The following SLC6A12 variants were observed in gnomAD, a reference collection of about 807,000 sequenced individuals.
The protein encoded by SLC6A12 is solute carrier family 6 member 12.
Under a neutral mutation model 73.3 loss-of-function variants are expected in SLC6A12, and 50 were observed. That is an observed-to-expected ratio of 0.68 (90% CI 0.54 to 0.86). The LOEUF (loss-of-function observed/expected upper bound fraction) is 0.86, where lower values mean the gene tolerates loss of function less well. Among genes scored for constraint, SLC6A12 ranks in the 40% least tolerant of loss-of-function variants. The pLI, the probability that SLC6A12 is intolerant of heterozygous loss-of-function variation, is 0.00. For missense variants in SLC6A12, 648 were observed against 772.8 expected (o/e 0.84, Z 1.92); for synonymous variants, 304 against 309.2 (o/e 0.98, Z 0.18).
At chr12:197,848 A>AC in intron 9 of SLC6A12, 52 bp downstream of exon 9, 5 of 1,293,580 alleles carry the variant, frequency 3.9e-6, no homozygotes, top group Admixed American at 1.7e-5. Context: ...CCCAGAACCC[A>AC]TCCCCAGGCC....
intron 11 of SLC6A12, 98 bp downstream of exon 11, chr12:196,672 G>A (rs1939883011): frequency 1.2e-6 from 1 of 857,770 alleles, no homozygotes; most frequent in African/African-American, 1.6e-5. Flanking sequence ...TCAGGTGTGT[G>A]GTCAGGGGAG....
Position 196,392 on chromosome 12 carries a change from T to C in SLC6A12, c.1189-131A>G, listed in dbSNP as rs1035958358. 11 of 1,180,182 alleles carry C rather than the reference T, an allele frequency of 9.3e-6. No homozygotes were observed. In the South Asian group the frequency reaches 1.7e-4, roughly 18 times the overall value. 73.1% of individuals were successfully genotyped at this position (1,180,182 alleles called of 1,614,324 possible). On this transcript the variant is annotated intron_variant, in intron 11 of 15. Transcript: ENST00000684302. ...CAGGGAGCAGCACAAAGGGAAGAAA[T>C]GGGGGTGCCCTGGGGTGAGCCAACC...
At position 197,510 on chromosome 12, in the gene SLC6A12, G is replaced by A; in HGVS notation, c.951-9C>T. ...AGAGGGCGATGCAGTCCCTGTGGGA[G>A]TGGGGCAAGGGCAGACAGGAACGGG... On this transcript the variant is annotated splice_polypyrimidine_tract_variant and intron_variant, in intron 9 of 15. Transcript: ENST00000684302. The A allele has an allele frequency of 6.2e-7, 1 of 1,611,662 alleles. No individual in the cohort carries two copies. The highest frequency in any genetic ancestry group is 8.5e-7 in the Non-Finnish European group (1 of 1,178,870).
At position 198,950 on chromosome 12, in the gene SLC6A12, G is replaced by A. The variant is rs762576562; in HGVS notation, c.712-19C>T. ...AAACCACCTGGAGGTGGGGGGACAG[G>A]CCAAGGTCACTCCTGGTGGGGACGC... is the stretch of plus-strand genomic sequence containing the variant. On this transcript the variant is annotated intron_variant, in intron 7 of 15. Transcript: ENST00000684302. The surrounding 1 kb of genome is among the most constrained non-coding windows in gnomAD (Gnocchi z 4.0). 1.9e-6 allele frequency: 3 copies of A among 1,613,534 alleles called. No individual in the cohort carries two copies. The highest frequency in any genetic ancestry group is 2.5e-6 in the Non-Finnish European group (3 of 1,179,626).
chr12:204,337 T>G (rs1255277147), intron 4 of SLC6A12: 1 of 532,470 alleles, frequency 1.9e-6, no homozygotes, highest in Non-Finnish European at 3.4e-6. Context: ...CAAACTGGCC[T>G]CCCCCACCTC....
In SLC6A12 at chr12:209,806, T is replaced by G; in HGVS notation, c.181A>C (p.Arg61=). Residue 61 remains arginine (R), a synonymous_variant, in exon 3 of 16, where the codon AGG becomes CGG. Coordinates refer to ENST00000684302, the MANE Select transcript of SLC6A12 (RefSeq NM_001122848.3). ...GEIIGLGNVW[R]FPYLCYKNGG... The stretch of plus-strand genomic sequence containing the variant: ...TTTTTGTAGCAGAGATAGGGAAACC[T>G]CCAGACATTGCCCAGCCCAATGATC... The G allele has an allele frequency of 6.2e-7, 1 of 1,614,182 alleles. No individual in the cohort carries two copies. The highest frequency in any genetic ancestry group is 8.5e-7 in the Non-Finnish European group (1 of 1,180,026).
intron 15 of SLC6A12, 126 bp downstream of exon 15, chr12:192,351 GA>G: frequency 1.3e-6 from 1 of 779,418 alleles, no homozygotes; most frequent in Non-Finnish European, 2.1e-6. Context: ...AAGATTCTGT[GA>G]GACTGAAGGG....
rs10582500 is a variant in SLC6A12 at position 203,059 on chromosome 12, C to CTTT, written c.350-182_350-180dup. On this transcript the variant is annotated intron_variant, in intron 4 of 15. Coordinates refer to ENST00000684302, the MANE Select transcript of SLC6A12 (RefSeq NM_001122848.3). The stretch of plus-strand genomic sequence containing the variant: ...CATATTTTTCTTTCTTTTTTCTTTT[C>CTTT]TTTTTTTTTTTTTTTTTTTTTTTTT... 2.0e-3 allele frequency among the ~76,000 whole-genome samples: 134 copies of CTTT among 68,330 alleles called. 1 individual carries two copies. The highest frequency in any genetic ancestry group is 2.1e-3 in the African/African-American group (34 of 15,904). 44.8% of individuals were successfully genotyped at this position (68,330 alleles called of 152,430 possible). A position where few individuals can be genotyped will look rare whatever the true frequency, so the allele number is the denominator to read the frequency against.
chr12:209,607 G>A, intron 3 of SLC6A12, 166 bp downstream of exon 3: 1 of 676,986 alleles, frequency 1.5e-6, no homozygotes, highest in Non-Finnish European at 2.6e-6. Flanking sequence ...TCACAGAGAG[G>A]GACGCTGAGG....
rs1037094780 is a variant in SLC6A12 at position 213,780 on chromosome 12, C to T, written c.-143+142G>A. The T allele has an allele frequency of 6.6e-6, 1 of 152,656 alleles. No homozygotes were observed. Among genetic ancestry groups the T allele is most frequent in the Non-Finnish European group, 1.5e-5 (1 of 68,402 alleles). 9.5% of individuals were successfully genotyped at this position (152,656 alleles called of 1,614,324 possible). ...GTGGGCATCAGACTTGCCCTTTGGC[C>T]TGAGGTTATTGCAGGTCCTGCCCCC... On this transcript the variant is annotated intron_variant, in intron 1 of 15. Coordinates refer to ENST00000684302, the MANE Select transcript of SLC6A12 (RefSeq NM_001122848.3). The surrounding 1 kb of genome is among the most constrained non-coding windows in gnomAD (Gnocchi z 5.3).
downstream of SLC6A12, among the ~76,000 whole-genome samples, chr12:187,596 A>AAG (rs1565461290): frequency 3.4e-4 from 2 of 5,864 alleles, no homozygotes; most frequent in African/African-American, 5.0e-4. Flanking sequence ...GAGCAAAAAA[A>AAG]AAAAAAAAAA....
Position 204,696 on chromosome 12 carries a change from C to T in SLC6A12, c.217G>A (p.Ala73Thr). 1 of 1,613,988 alleles carries T rather than the reference C, an allele frequency of 6.2e-7. No individual in the cohort carries two copies. The highest frequency in any genetic ancestry group is 8.5e-7 in the Non-Finnish European group (1 of 1,180,006). ...AAGATGAAGTAGGGGATGAAGAAGGCTCCTGCAGAAGAGAGAGAGGCAGGG... is the reference window on the plus strand; with the variant it reads ...AAGATGAAGTAGGGGATGAAGAAGGTTCCTGCAGAAGAGAGAGAGGCAGGG... The part of the protein sequence containing the change: ...PYLCYKNGGG[A>T]FFIPYFIFFF... The change falls in exon 4 of 16, where the codon GCC becomes ACC. Residue 73 changes from alanine (A) to threonine (T), a missense_variant and splice_region_variant. By Grantham distance (58) the Ala-to-Thr change is moderately conservative. Coordinates refer to ENST00000684302, the MANE Select transcript of SLC6A12 (RefSeq NM_001122848.3).
intron 11 of SLC6A12, 93 bp downstream of exon 11, chr12:196,677 G>T (rs1302696465): frequency 3.4e-6 from 3 of 887,066 alleles, no homozygotes; most frequent in Non-Finnish European, 5.6e-6. Flanking sequence ...TGTGTGGTCA[G>T]GGGAGTGGGA....
chr12:184,698 T>C, the SLC6A12 span, among the ~76,000 whole-genome samples: 2 of 152,020 alleles, frequency 1.3e-5, no homozygotes, highest in African/African-American at 4.8e-5. Flanking sequence ...TGCAATGAGC[T>C]GAGATGGCGC....
rs753689241 is a variant in SLC6A12, at chr12:200,711, G to A, written c.651C>T (p.Leu217=). The change falls in exon 7 of 16, where the codon CTC becomes CTT. Residue 217 remains leucine (L), a synonymous_variant. Transcript: ENST00000684302. Reference sequence around the variant, plus strand: ...AATAGCAGATGACCCAGGCGAGCAGGAGGCACAGGGCCAGCTCCCAGCGCA... The same window carrying A: ...AATAGCAGATGACCCAGGCGAGCAGAAGGCACAGGGCCAGCTCCCAGCGCA... ...GSLRWELALC[L]LLAWVICYFC... 1 of 1,614,154 alleles carries A rather than the reference G, an allele frequency of 6.2e-7. No individual in the cohort carries two copies. Among genetic ancestry groups the A allele is most frequent in the Non-Finnish European group, 8.5e-7 (1 of 1,180,012 alleles).
At chr12:208,720 A>T (rs1292859340) in intron 3 of SLC6A12, among the ~76,000 whole-genome samples, 2 of 152,098 alleles carry the variant, frequency 1.3e-5, no homozygotes, top group Non-Finnish European at 1.5e-5. Context: ...GCGACTGCGA[A>T]TGAATATAGG....
At chr12:211,608 G>C (rs1412301159) in intron 2 of SLC6A12, among the ~76,000 whole-genome samples, 1 of 152,192 alleles carries the variant, frequency 6.6e-6, no homozygotes, top group African/African-American at 2.4e-5. Flanking sequence ...AAAAAATGGG[G>C]AGTTGGGCCC....
rs1255971731 is a variant in SLC6A12, at chr12:190,363, T to C, written c.*705A>G. ...TGTGATCAGTTAGCAATATCGGCCT[T>C]GGGCAGAGGAACGGACAGTGCAGGG... is the stretch of plus-strand genomic sequence containing the variant. On this transcript the variant is annotated 3_prime_UTR_variant, in exon 16 of 16. Coordinates refer to ENST00000684302, the MANE Select transcript of SLC6A12 (RefSeq NM_001122848.3). The C allele has an allele frequency of 6.6e-6, 1 of 152,282 alleles. No homozygotes were observed. The highest frequency in any genetic ancestry group is 1.5e-5 in the Non-Finnish European group (1 of 68,078). The allele number at this position is 152,282 out of a possible 1,614,324, so 9.4% of individuals were successfully genotyped here. A position where few individuals can be genotyped will look rare whatever the true frequency, so the allele number is the denominator to read the frequency against.
intron 13 of SLC6A12, among the ~76,000 whole-genome samples, chr12:194,857 A>G (rs567075195): frequency 6.6e-6 from 1 of 152,364 alleles, no homozygotes; most frequent in South Asian, 2.1e-4. Context: ...TTGGAAAGGC[A>G]GTGTGGGAGT....
Sources: gnomAD v4.1 joint callset for allele counts (sites outside exome capture counted in the v4.1 genomes callset) on GRCh38, gnomAD v4.1.1 for gene constraint, Gnocchi (gnomAD v3.1) non-coding constraint, MANE v1.5 for transcripts, NCBI Gene and HGNC (gene_info 2026-07-23, HGNC 2026-07-21) for gene names.